TMEM169: variants seen among roughly 807,000 people sequenced by gnomAD.
The protein encoded by TMEM169 is transmembrane protein 169.
A neutral mutation model predicts 27.3 loss-of-function variants in TMEM169; 18 were observed. The ratio of observed to expected loss-of-function variants is 0.66; its 90% confidence interval spans 0.46 to 0.98. The LOEUF (loss-of-function observed/expected upper bound fraction) is 0.98. TMEM169 is among the 50% of genes least tolerant of loss of function. The pLI, the probability that TMEM169 is intolerant of heterozygous loss-of-function variation, is 0.00. For synonymous variants in TMEM169, 136 were observed against 142.1 expected (o/e 0.96, Z 0.30); for missense variants, 320 against 368.6 (o/e 0.87, Z 1.08).
chr2:216,087,344 T>C (rs1423049989), intron 1 of TMEM169, among the ~76,000 whole-genome samples: 1 of 152,216 alleles, frequency 6.6e-6, no homozygotes, highest in East Asian at 1.9e-4. Context: ...GGTAGAGGAA[T>C]GTCTTCCATT....
chr2:216,100,645 T>C lies in TMEM169; in HGVS notation c.*103T>C. 1 of 1,494,768 alleles carries C rather than the reference T, an allele frequency of 6.7e-7. No homozygotes were observed. The highest frequency in any genetic ancestry group is 2.3e-5 in the East Asian group (1 of 43,114). 92.6% of individuals were successfully genotyped at this position (1,494,768 alleles called of 1,614,324 possible). A position where few individuals can be genotyped will look rare whatever the true frequency, so the allele number is the denominator to read the frequency against. ...AATTACCCCCTACTCTCCGCAGTTC[T>C]TCTGGGAAATCAGAGTCCATACTGA... On this transcript the variant is annotated 3_prime_UTR_variant, in exon 3 of 3. Transcript: ENST00000437356.
rs367664322 is a variant in TMEM169 at position 216,095,925 on chromosome 2, C to G, written c.-39C>G. ...GAACTGTGAGTTTACTCAAACAAGT[C>G]CAACTCTTTATAAGACATAGGTAGA... On this transcript the variant is annotated 5_prime_UTR_variant, in exon 2 of 3. Coordinates refer to ENST00000437356, the MANE Select transcript of TMEM169 (RefSeq NM_001142311.2). 6 of 1,579,782 alleles carry G rather than the reference C, an allele frequency of 3.8e-6. No homozygotes were observed. The African/African-American group carries it at 8.2e-5, about 22-fold the overall frequency.
chr2:216,097,010 T>C (rs1180404571), intron 2 of TMEM169, among the ~76,000 whole-genome samples: 1 of 152,238 alleles, frequency 6.6e-6, no homozygotes, highest in Non-Finnish European at 1.5e-5. Flanking sequence ...CAAATGGATA[T>C]ACTTCATGCA....
chr2:216,088,708 A>C (rs1366538879), intron 1 of TMEM169, among the ~76,000 whole-genome samples: 1 of 152,212 alleles, frequency 6.6e-6, no homozygotes, highest in Non-Finnish European at 1.5e-5. Flanking sequence ...TTGAATGTGT[A>C]ATTCAGTGAG....
chr2:216,093,125 A>AGTGT (rs60241289), intron 1 of TMEM169, among the ~76,000 whole-genome samples: 22,117 of 145,640 alleles, frequency 0.15, 1,719 homozygotes, highest in South Asian at 0.18. Context: ...GTAATAATGA[A>AGTGT]GTGTGTGTGT....
At position 216,100,066 on chromosome 2, in the gene TMEM169, A is replaced by C; in HGVS notation, c.418A>C (p.Arg140=). The change falls in exon 3 of 3, where the codon AGG becomes CGG. Residue 140 remains arginine (R), a synonymous_variant. Transcript: ENST00000437356. ...ACTGACCAAACCTAAAGAGTCATCA[A>C]GGGAAACGACGCCTGAAGGAAGAAT... ...QELTKPKESS[R]ETTPEGRMAC... 1.2e-6 allele frequency: 2 copies of C among 1,614,206 alleles called. No individual in the cohort carries two copies. Among genetic ancestry groups the C allele is most frequent in the Non-Finnish European group, 1.7e-6 (2 of 1,180,034 alleles).
rs979488349 is a variant in TMEM169 at position 216,100,496 on chromosome 2, T to A, written c.848T>A (p.Leu283His). 3 of 1,614,026 alleles carry A rather than the reference T, an allele frequency of 1.9e-6. No homozygotes were observed. In the Admixed American group the frequency reaches 5.0e-5, roughly 27 times the overall value. ...GAATCCGACAATATCTCAAGCACTCTCTCCAACAAGGACCCCATCCAAGAA... is the reference window on the plus strand; with the variant it reads ...GAATCCGACAATATCTCAAGCACTCACTCCAACAAGGACCCCATCCAAGAA... ...LLESDNISSTLSNKDPIQEVE... is the reference protein window; with the variant it reads ...LLESDNISSTHSNKDPIQEVE... Residue 283 changes from leucine to histidine, a missense_variant, in exon 3 of 3, where the codon CTC becomes CAC. Physicochemically the swap from Leu to His is moderately conservative, Grantham distance 99. Transcript: ENST00000437356.
intron 1 of TMEM169, among the ~76,000 whole-genome samples, chr2:216,093,380 C>T (rs10171608): frequency 0.31 from 47,579 of 151,916 alleles, 8,093 homozygotes; most frequent in East Asian, 0.66. Flanking sequence ...CTGCTTCTTC[C>T]TGTGTACATC....
chr2:216,091,633 G>A (rs1209171329), intron 1 of TMEM169, among the ~76,000 whole-genome samples: 1 of 150,958 alleles, frequency 6.6e-6, no homozygotes. Context: ...AACACAGTGA[G>A]AAGGCACCAT....
chr2:216,088,286 C>T (rs1318765674), intron 1 of TMEM169, among the ~76,000 whole-genome samples: 1 of 152,124 alleles, frequency 6.6e-6, no homozygotes, highest in African/African-American at 2.4e-5. Flanking sequence ...GGTGAAACCC[C>T]GTCTCTACTA....
chr2:216,094,039 GA>G (rs1696202752), intron 1 of TMEM169, among the ~76,000 whole-genome samples: 1 of 152,118 alleles, frequency 6.6e-6, no homozygotes, highest in South Asian at 2.1e-4. Flanking sequence ...TTTATTATTG[GA>G]AATAAAGGGA....
rs992621697 is a variant in TMEM169, at chr2:216,100,990, G to C, written c.*448G>C. On this transcript the variant is annotated 3_prime_UTR_variant, in exon 3 of 3. Coordinates refer to ENST00000437356, the MANE Select transcript of TMEM169 (RefSeq NM_001142311.2). Reference sequence around the variant, plus strand: ...ACAGTGTAGCAGAAGGTAAAGATTTGTGTGTATCATTTAGATTTAGATTTA... The same window carrying C: ...ACAGTGTAGCAGAAGGTAAAGATTTCTGTGTATCATTTAGATTTAGATTTA... 3 of 203,360 alleles carry C rather than the reference G, an allele frequency of 1.5e-5. No homozygotes were observed. Among genetic ancestry groups the C allele is most frequent in the African/African-American group, 2.4e-5 (1 of 41,958 alleles). The allele number at this position is 203,360 out of a possible 1,614,324, so 12.6% of individuals were successfully genotyped here. A position where few individuals can be genotyped will look rare whatever the true frequency, so the allele number is the denominator to read the frequency against.
At chr2:216,088,165 A>G (rs1696049422) in intron 1 of TMEM169, among the ~76,000 whole-genome samples, 1 of 151,720 alleles carries the variant, frequency 6.6e-6, no homozygotes, top group South Asian at 2.1e-4. Flanking sequence ...CTCAAAAAAA[A>G]AAAAAACAAA....
chr2:216,091,999 C>T (rs764794796), intron 1 of TMEM169, among the ~76,000 whole-genome samples: 1 of 152,190 alleles, frequency 6.6e-6, no homozygotes, highest in Non-Finnish European at 1.5e-5. Flanking sequence ...TGTAAGTAGA[C>T]ATTGGCTGGG....
intron 1 of TMEM169, among the ~76,000 whole-genome samples, chr2:216,086,139 A>G (rs1406050742): frequency 2.6e-5 from 4 of 151,526 alleles, no homozygotes; most frequent in Non-Finnish European, 4.4e-5. Context: ...ATCTTGGCTC[A>G]CTGCAACCTC....
intron 1 of TMEM169, among the ~76,000 whole-genome samples, chr2:216,093,940 C>T (rs1696199335): frequency 6.6e-6 from 1 of 152,144 alleles, no homozygotes; most frequent in Non-Finnish European, 1.5e-5. Flanking sequence ...GGAATTTTTG[C>T]TTCTTTCTTC....
intron 1 of TMEM169, among the ~76,000 whole-genome samples, chr2:216,091,675 C>T (rs551395367): frequency 9.9e-5 from 15 of 152,124 alleles, no homozygotes; most frequent in African/African-American, 2.9e-4. Flanking sequence ...CTACCAAACC[C>T]CTAAACTTGA....
rs1696361764 is a variant in TMEM169, at chr2:216,100,251, G to A, written c.603G>A (p.Trp201Ter). 2.5e-6 allele frequency: 4 copies of A among 1,613,500 alleles called. No individual in the cohort carries two copies. The highest frequency in any genetic ancestry group is 2.2e-5 in the East Asian group (1 of 44,868). The stretch of plus-strand genomic sequence containing the variant: ...TGTATAATGAGGAAAGGACCTTCTG[G>A]CACAAGATCTCGTATTGCCCTTGCC... ...FLVYNEERTF[W>*]HKISYCPCLV... Residue 201 changes from tryptophan (W) to a stop codon, truncating the protein, a stop_gained, in exon 3 of 3, where the codon TGG (tryptophan) becomes TGA (stop). Coordinates refer to ENST00000437356, the MANE Select transcript of TMEM169 (RefSeq NM_001142311.2). LOFTEE classifies it high-confidence loss of function.
intron 2 of TMEM169, among the ~76,000 whole-genome samples, chr2:216,096,489 T>C (rs1696267433): frequency 6.6e-6 from 1 of 152,162 alleles, no homozygotes; most frequent in Non-Finnish European, 1.5e-5. Context: ...CTCAGCCTCC[T>C]GAGTAGCTGG....
Sources: gnomAD v4.1 joint callset for allele counts (sites outside exome capture counted in the v4.1 genomes callset) on GRCh38, gnomAD v4.1.1 for gene constraint, MANE v1.5 for transcripts, NCBI Gene and HGNC (gene_info 2026-07-23, HGNC 2026-07-21) for gene names.